Variants in PPFIA4 observed in about 807,000 individuals in gnomAD.
PPFIA4 encodes liprin-alpha-4.
Under a neutral mutation model 145.7 loss-of-function variants are expected in PPFIA4, and 98 were observed. The observed-to-expected ratio is 0.67, with a 90% CI of 0.57 to 0.80. The LOEUF (loss-of-function observed/expected upper bound fraction) is 0.80. Among genes scored for constraint, PPFIA4 ranks in the 30% least tolerant of loss-of-function variants. PPFIA4 has a pLI of 0.00. For synonymous variants in PPFIA4, 628 were observed against 649.6 expected, an observed-to-expected ratio of 0.97 and a Z score of 0.51; for missense variants, 1,457 against 1,632.7, an observed-to-expected ratio of 0.89 and a Z score of 1.85.
intron 15 of PPFIA4, among the ~76,000 whole-genome samples, chr1:203,054,926 G>C (rs112743156): frequency 1.3e-5 from 2 of 152,322 alleles, no homozygotes; most frequent in African/African-American, 4.8e-5. Flanking sequence ...GTGTGTGAGA[G>C]AGTGTGTGTG....
chr1:203,048,629 C>T lies in PPFIA4; in HGVS notation c.1271C>T (p.Ser424Leu), dbSNP rs963267536. 6 of 1,602,568 alleles carry T rather than the reference C, an allele frequency of 3.7e-6. No individual in the cohort carries two copies. The highest frequency in any genetic ancestry group is 2.3e-5 in the East Asian group (1 of 44,370). The change falls in exon 11 of 30, where the codon TCG (serine) becomes TTG (leucine). Residue 424 changes from serine (S) to leucine (L), a missense_variant. Ser to Leu is a moderately radical substitution (Grantham distance 145). Around this residue, in one of 3 missense-constraint regions of PPFIA4, gnomAD observed 848 missense variants for 1,046.7 expected, o/e 0.81. Transcript: ENST00000295706. The surrounding 1 kb of genome is among the most constrained non-coding windows in gnomAD (Gnocchi z 5.8). ...KMNEDHNKRL[S>L]DTVDRLLSES... ...AATGAGGACCACAACAAGCGGCTGT[C>T]GGACACAGTGGACCGGCTGCTCAGC... is the stretch of plus-strand genomic sequence containing the variant.
intron 25 of PPFIA4, among the ~76,000 whole-genome samples, chr1:203,066,741 C>G (rs564320470): frequency 6.6e-6 from 1 of 152,166 alleles, no homozygotes; most frequent in Non-Finnish European, 1.5e-5. Context: ...GCACCTGATA[C>G]TGTTTAAGTA....
intron 23 of PPFIA4, chr1:203,061,381 G>A: frequency 1.9e-6 from 1 of 522,510 alleles, no homozygotes; most frequent in South Asian, 2.6e-5. Context: ...GAGGAATGGG[G>A]AGTGTTGGGA....
chr1:203,054,475 T>A (rs535388668), intron 15 of PPFIA4, among the ~76,000 whole-genome samples: 1 of 152,332 alleles, frequency 6.6e-6, no homozygotes, highest in Admixed American at 6.5e-5. Context: ...CTCCTGTCCC[T>A]AATAAGGCAT....
chr1:203,047,391 G>A (rs960536649), intron 9 of PPFIA4, among the ~76,000 whole-genome samples: 1 of 152,194 alleles, frequency 6.6e-6, no homozygotes, highest in African/African-American at 2.4e-5. Flanking sequence ...AGCAGAGGAT[G>A]TTATGTGTGG....
In PPFIA4 at chr1:203,043,527, C is replaced by T. The variant is rs144328028; in HGVS notation, c.336+29C>T. 2.5e-5 allele frequency: 40 copies of T among 1,569,446 alleles called. No homozygotes were observed. The highest frequency in any genetic ancestry group is 1.7e-4 in the Middle Eastern group (1 of 6,010). On this transcript the variant is annotated intron_variant, in intron 3 of 29. Transcript: ENST00000295706. This position sits in a 1 kb window ranked among gnomAD's most constrained non-coding sequence, Gnocchi z 4.4. ...AGTGGGGATGACCTTGTGTCGCGCG[C>T]GCGCACGTGTGTGTGTGTGTGTATG... is the stretch of plus-strand genomic sequence containing the variant.
rs779584890 is a variant in PPFIA4, at chr1:203,044,743, AG to A, written c.625del (p.Glu209ArgfsTer20). 6.4e-7 allele frequency: 1 copy of A among 1,566,350 alleles called. No homozygotes were observed. The highest frequency in any genetic ancestry group is 8.7e-7 in the Non-Finnish European group (1 of 1,155,766). Reference protein sequence around the residue: ...GAGVRDGAAEEEGTVELGPKR... With the variant: ...GAGVRDGAAEXEGTVELGPKR... ...CAGGGGTGCGGGATGGAGCGGCAGA[AG>A]AGGAGGGGACTGTGGAGCTGGGGCC... is the stretch of plus-strand genomic sequence containing the variant. On this transcript the variant is annotated frameshift_variant, in exon 6 of 30. Transcript: ENST00000295706. LOFTEE classifies it high-confidence loss of function.
chr1:203,039,876 G>A (rs1391013861), intron 2 of PPFIA4, among the ~76,000 whole-genome samples: 4 of 152,180 alleles, frequency 2.6e-5, no homozygotes, highest in Admixed American at 1.3e-4. Flanking sequence ...TACAAATCAC[G>A]GAACTAAAGC....
In PPFIA4 at chr1:203,071,763, G is replaced by T; in HGVS notation, c.3393+3G>T. On this transcript the variant is annotated splice_donor_region_variant and intron_variant, in intron 28 of 29. Coordinates refer to ENST00000295706, the MANE Select transcript of PPFIA4 (RefSeq NM_001304331.2). ...GCACAGACCGGAAGCTGGATGACGT[G>T]AGTACCTGGCCATGAATTAGGAGCC... 6.2e-7 allele frequency: 1 copy of T among 1,608,952 alleles called. No homozygotes were observed. Among genetic ancestry groups the T allele is most frequent in the African/African-American group, 1.3e-5 (1 of 74,958 alleles).
At chr1:203,049,007 A>T (rs1571693166) in intron 12 of PPFIA4, 27 bp downstream of exon 12, 1 of 1,544,748 alleles carries the variant, frequency 6.5e-7, no homozygotes, top group Middle Eastern at 2.1e-4. Flanking sequence ...AGCCCCGCCC[A>T]GCCTGGGAGG....
chr1:203,075,625 C>G lies in PPFIA4; in HGVS notation c.3442C>G (p.Arg1148Gly). The G allele has an allele frequency of 6.7e-7, 1 of 1,484,048 alleles. No individual in the cohort carries two copies. The allele number at this position is 1,484,048 out of a possible 1,614,324, so 91.9% of individuals were successfully genotyped here. A position where few individuals can be genotyped will look rare whatever the true frequency, so the allele number is the denominator to read the frequency against. Residue 1148 changes from arginine to glycine, a missense_variant, in exon 29 of 30, where the codon CGG (arginine) becomes GGG (glycine). By Grantham distance (125) the Arg-to-Gly change is moderately radical (BLOSUM62 -2). Around this residue, in one of 3 missense-constraint regions of PPFIA4, gnomAD observed 146 missense variants for 126.2 expected, o/e 1.16. Coordinates refer to ENST00000295706, the MANE Select transcript of PPFIA4 (RefSeq NM_001304331.2). This position sits in a 1 kb window ranked among gnomAD's most constrained non-coding sequence, Gnocchi z 4.1. ...RRAPSWRKRF[R>G]PREHHGRGGM... is the part of the protein sequence containing the mutation. ...CGCGCCCTCCTGGAGGAAGCGCTTC[C>G]GGCCGCGGGAGCACCACGGTCGCGG...
chr1:203,045,859 G>T lies in PPFIA4; in HGVS notation c.877G>T (p.Asp293Tyr), dbSNP rs746499388. The change falls in exon 8 of 30, where the codon GAC (aspartate) becomes TAC (tyrosine). Residue 293 changes from aspartate to tyrosine, a missense_variant. By Grantham distance (160) the Asp-to-Tyr change is radical. Around this residue, in one of 3 missense-constraint regions of PPFIA4, gnomAD observed 463 missense variants for 459.8 expected, o/e 1.01. Transcript: ENST00000295706. ...CTCCCAGGCTCTGGCCCAGAAGGAG[G>T]ACATGGAAGAGCGGATTACTACACT... ...DLREALAQKE[D>Y]MEERITTLEK... 2.5e-6 allele frequency: 4 copies of T among 1,612,922 alleles called. No homozygotes were observed. The highest frequency in any genetic ancestry group is 3.3e-4 in the Middle Eastern group (2 of 6,062).
intron 1 of PPFIA4, among the ~76,000 whole-genome samples, chr1:203,031,301 C>G (rs780556236): frequency 6.6e-6 from 1 of 152,228 alleles, no homozygotes; most frequent in Non-Finnish European, 1.5e-5. Flanking sequence ...TAAGCAATCT[C>G]CCTGCCTTGG....
Position 203,060,958 on chromosome 1 carries a change from C to G in PPFIA4, c.2785-12C>G. On this transcript the variant is annotated splice_polypyrimidine_tract_variant and intron_variant, in intron 22 of 29. Transcript: ENST00000295706. The surrounding 1 kb of genome is among the most constrained non-coding windows in gnomAD (Gnocchi z 4.8). Reference sequence around the variant, plus strand: ...ACACCCAGGACCAGCTAGGTTTCCTCTCTGCCTGCAGTCTTCTGGGAATGT... The same window carrying G: ...ACACCCAGGACCAGCTAGGTTTCCTGTCTGCCTGCAGTCTTCTGGGAATGT... The G allele has an allele frequency of 6.2e-7, 1 of 1,613,898 alleles. No homozygotes were observed. The highest frequency in any genetic ancestry group is 1.1e-5 in the South Asian group (1 of 91,082).
intron 6 of PPFIA4, 74 bp from the exon 7 acceptor site, chr1:203,045,294 C>T: frequency 7.4e-7 from 1 of 1,345,234 alleles, no homozygotes; most frequent in East Asian, 2.5e-5. Flanking sequence ...TTCCTCCTTC[C>T]ACCCCTGGGA....
In PPFIA4 at chr1:203,056,398, C is replaced by A. The variant is rs753316233; in HGVS notation, c.2130C>A (p.Asn710Lys). The change falls in exon 18 of 30, where the codon AAC becomes AAA. Residue 710 changes from asparagine (N) to lysine (K), a missense_variant. This residue lies in a region of PPFIA4 where 848 missense variants were observed against 1,046.7 expected (regional missense o/e 0.81). Transcript: ENST00000295706. ...KLLSPVSREE[N>K]REDKATIKCE... ...AGTCGCCAGTGTCTCGGGAAGAGAA[C>A]CGAGAGGATAAAGCCACCATAAAAT... 6.2e-7 allele frequency: 1 copy of A among 1,613,992 alleles called. No homozygotes were observed. Among genetic ancestry groups the A allele is most frequent in the Non-Finnish European group, 8.5e-7 (1 of 1,179,868 alleles).
intron 25 of PPFIA4, among the ~76,000 whole-genome samples, chr1:203,067,059 G>A (rs143666192): frequency 6.6e-6 from 1 of 152,324 alleles, no homozygotes; most frequent in East Asian, 1.9e-4. Flanking sequence ...GACTGAGAAG[G>A]TGACATTTAA....
intron 19 of PPFIA4, among the ~76,000 whole-genome samples, chr1:203,057,818 C>G (rs951133944): frequency 1.3e-5 from 2 of 152,132 alleles, no homozygotes; most frequent in Non-Finnish European, 2.9e-5. Context: ...CCTTTGGTAG[C>G]GACACCTGAG....
At chr1:203,046,035 A>T (rs764613766) in intron 8 of PPFIA4, 48 bp downstream of exon 8, 1 of 1,609,904 alleles carries the variant, frequency 6.2e-7, no homozygotes, top group Admixed American at 1.7e-5. Flanking sequence ...TTAGCCCTGG[A>T]GGTGTCCTCG....
Sources: gnomAD v4.1 joint callset for allele counts (sites outside exome capture counted in the v4.1 genomes callset) on GRCh38, gnomAD v4.1.1 for gene constraint, gnomAD v4.1.1 regional missense constraint, Gnocchi (gnomAD v3.1) non-coding constraint, MANE v1.5 for transcripts, NCBI Gene and HGNC (gene_info 2026-07-23, HGNC 2026-07-21) for gene names.